The following DNAJC1 variants were observed in gnomAD, a reference collection of about 807,000 sequenced individuals.
DNAJC1 encodes dnaJ homolog subfamily C member 1.
In DNAJC1, 58 loss-of-function variants were observed where a neutral mutation model predicts 76.6. That is an observed-to-expected ratio of 0.76 (90% confidence interval 0.61 to 0.94). The LOEUF is 0.94. DNAJC1 is among the 40% of genes least tolerant of loss of function. The pLI is 0.00. For missense variants in DNAJC1, 689 were observed against 677.3 expected, an observed-to-expected ratio of 1.02 and a Z score of -0.19; for synonymous variants, 258 against 267.9, an observed-to-expected ratio of 0.96 and a Z score of 0.36.
At chr10:21,899,573 G>C (rs1299067248) in intron 7 of DNAJC1, among the ~76,000 whole-genome samples, 10 of 152,212 alleles carry the variant, frequency 6.6e-5, no homozygotes, top group Admixed American at 6.5e-4. Flanking sequence ...CAGCTGCCTT[G>C]CCAAGACTTG....
At chr10:21,962,036 C>T (rs978625064) in intron 1 of DNAJC1, among the ~76,000 whole-genome samples, 8 of 152,280 alleles carry the variant, frequency 5.3e-5, no homozygotes, top group Non-Finnish European at 2.9e-5. Flanking sequence ...CAAATATTGC[C>T]CTCTCAGTGA....
At chr10:21,986,541 T>A (rs1160970227) in intron 1 of DNAJC1, among the ~76,000 whole-genome samples, 1 of 152,226 alleles carries the variant, frequency 6.6e-6, no homozygotes, top group East Asian at 1.9e-4. Context: ...TTGAGAGTTT[T>A]CATCATTAAT....
intron 8 of DNAJC1, among the ~76,000 whole-genome samples, chr10:21,868,750 G>C (rs1836052512): frequency 6.6e-6 from 1 of 151,866 alleles, no homozygotes; most frequent in African/African-American, 2.4e-5. Context: ...CAAATTTATG[G>C]ACCTCCACTG....
At chr10:21,830,730 C>T (rs1835343645) in intron 8 of DNAJC1, among the ~76,000 whole-genome samples, 1 of 152,142 alleles carries the variant, frequency 6.6e-6, no homozygotes, top group Non-Finnish European at 1.5e-5. Flanking sequence ...TGTCTCTTAA[C>T]TATTCCTATA....
intron 11 of DNAJC1, among the ~76,000 whole-genome samples, chr10:21,758,569 A>G (rs901083963): frequency 6.6e-6 from 1 of 152,272 alleles, no homozygotes; most frequent in African/African-American, 2.4e-5. Context: ...GTGGAAAGTA[A>G]GCCGAACCCT....
intron 8 of DNAJC1, among the ~76,000 whole-genome samples, chr10:21,858,728 C>T (rs566081126): frequency 6.6e-6 from 1 of 152,232 alleles, no homozygotes; most frequent in East Asian, 1.9e-4. Flanking sequence ...GAATGAAATC[C>T]AGGTCTCCTA....
At chr10:21,761,021 A>G (rs548771830) in intron 10 of DNAJC1, among the ~76,000 whole-genome samples, 12 of 152,022 alleles carry the variant, frequency 7.9e-5, no homozygotes, top group Non-Finnish European at 1.0e-4. Context: ...TCTACTAAAA[A>G]TACAAAAAAT....
In DNAJC1 at chr10:21,977,814, TG is replaced by T. The variant is rs556605065; in HGVS notation, c.222+25398del. 9.9e-4 allele frequency among the ~76,000 whole-genome samples: 150 copies of T among 152,268 alleles called. 6 individuals are homozygous for T. The South Asian group carries it at 0.03, about 31-fold the overall frequency. ...CTGGATAGTGAGGGTTCCTAATCAG[TG>T]TTTTCTCTCTTTTGGAAAGCTGATG... is the stretch of plus-strand genomic sequence containing the variant. On this transcript the variant is annotated intron_variant, in intron 1 of 11. Coordinates refer to ENST00000376980, the MANE Select transcript of DNAJC1 (RefSeq NM_022365.4).
chr10:21,861,714 C>A (rs1590020057), intron 8 of DNAJC1, among the ~76,000 whole-genome samples: 1 of 152,208 alleles, frequency 6.6e-6, no homozygotes, highest in East Asian at 1.9e-4. Flanking sequence ...GCTACACTCC[C>A]ACCAGCACCA....
intron 1 of DNAJC1, among the ~76,000 whole-genome samples, chr10:21,985,274 G>C (rs1299229569): frequency 1.4e-5 from 2 of 147,108 alleles, no homozygotes; most frequent in Non-Finnish European, 3.0e-5. Flanking sequence ...TTTTGAAATG[G>C]AGTCTCACTC....
chr10:21,834,046 C>T (rs1372931584), intron 8 of DNAJC1, among the ~76,000 whole-genome samples: 3 of 151,920 alleles, frequency 2.0e-5, no homozygotes, highest in African/African-American at 2.4e-5. Flanking sequence ...GGGCGGACCA[C>T]GAGGTCAGGA....
At chr10:21,788,518 G>T (rs1041768168) in intron 9 of DNAJC1, among the ~76,000 whole-genome samples, 2 of 152,144 alleles carry the variant, frequency 1.3e-5, no homozygotes, top group Non-Finnish European at 2.9e-5. Flanking sequence ...GCACCCTATG[G>T]TCTGGGCTGT....
intron 1 of DNAJC1, among the ~76,000 whole-genome samples, chr10:21,966,113 T>C (rs908457994): frequency 6.6e-6 from 1 of 152,174 alleles, no homozygotes; most frequent in Non-Finnish European, 1.5e-5. Context: ...TGCCTGACAT[T>C]TTCTCATGAT....
chr10:21,772,278 T>TTC (rs1834391781), intron 9 of DNAJC1, among the ~76,000 whole-genome samples: 1 of 149,698 alleles, frequency 6.7e-6, no homozygotes, highest in Non-Finnish European at 1.5e-5. Context: ...CTTCTTTTTT[T>TTC]TTTTTTTTTT....
intron 1 of DNAJC1, among the ~76,000 whole-genome samples, chr10:21,986,838 G>C (rs1248938790): frequency 1.3e-5 from 2 of 152,026 alleles, no homozygotes; most frequent in Non-Finnish European, 2.9e-5. Context: ...CGCGATCTCA[G>C]CTCACTGCAA....
Position 21,774,159 on chromosome 10 carries a change from A to G in DNAJC1, c.1099-7850T>C, listed in dbSNP as rs896406685. On this transcript the variant is annotated intron_variant, in intron 9 of 11. Coordinates refer to ENST00000376980, the MANE Select transcript of DNAJC1 (RefSeq NM_022365.4). ...CCGTCTCAAAAAAAAAAAAAAAAAA[A>G]GATGTATAAAGATACAGAATATATT... 9.2e-5 allele frequency among the ~76,000 whole-genome samples: 14 copies of G among 151,564 alleles called. No individual in the cohort carries two copies. The South Asian group carries it at 2.5e-3, about 27-fold the overall frequency.
chr10:21,850,538 T>C (rs542563847), intron 8 of DNAJC1, among the ~76,000 whole-genome samples: 3 of 151,558 alleles, frequency 2.0e-5, no homozygotes, highest in South Asian at 2.1e-4. Flanking sequence ...CTTTTCTTTT[T>C]TTTTTTTTTT....
Position 21,837,861 on chromosome 10 carries a change from G to A in DNAJC1, c.979-31762C>T, listed in dbSNP as rs867592774. On this transcript the variant is annotated intron_variant, in intron 8 of 11. Coordinates refer to ENST00000376980, the MANE Select transcript of DNAJC1 (RefSeq NM_022365.4). Reference sequence around the variant, plus strand: ...CCCCGCCTGGCCAGCCGCCCCGTCCGGGAGGGAGGTGGGGGGCAGCCCCCG... The same window carrying A: ...CCCCGCCTGGCCAGCCGCCCCGTCCAGGAGGGAGGTGGGGGGCAGCCCCCG... Among the ~76,000 whole-genome samples the A allele has an allele frequency of 4.4e-3, 637 of 145,536 alleles. 19 individuals carry two copies. Among genetic ancestry groups the A allele is most frequent in the African/African-American group, 0.015 (577 of 39,686 alleles).
intron 10 of DNAJC1, among the ~76,000 whole-genome samples, chr10:21,764,195 T>C (rs1834270754): frequency 6.6e-6 from 1 of 152,160 alleles, no homozygotes; most frequent in Non-Finnish European, 1.5e-5. Context: ...TGGACTACTA[T>C]GGAGCCATTA....
Sources: gnomAD v4.1 joint callset for allele counts (sites outside exome capture counted in the v4.1 genomes callset) on GRCh38, gnomAD v4.1.1 for gene constraint, MANE v1.5 for transcripts, NCBI Gene and HGNC (gene_info 2026-07-23, HGNC 2026-07-21) for gene names.